Variants in CNTNAP4 observed in about 807,000 individuals in gnomAD.
The protein encoded by CNTNAP4 is contactin associated protein family member 4, also known as contactin-associated protein-like 4.
Under a neutral mutation model 148.4 loss-of-function variants are expected in CNTNAP4, and 98 were observed. That is an observed-to-expected ratio of 0.66 (90% CI 0.56 to 0.78). CNTNAP4 has a LOEUF of 0.78. Ranked by LOEUF, CNTNAP4 falls within the 30% of genes least tolerant of loss-of-function variation. CNTNAP4 has a pLI of 0.00. For missense variants in CNTNAP4, 1,935 were observed against 1,565.6 expected (o/e 1.24, Z -3.98); for synonymous variants, 730 against 565.1 (o/e 1.29, Z -4.14).
intron 2 of CNTNAP4, among the ~76,000 whole-genome samples, chr16:76,331,771 A>G (rs1003267591): frequency 3.9e-5 from 6 of 152,194 alleles, no homozygotes; most frequent in Non-Finnish European, 8.8e-5. Flanking sequence ...CAAACCTCCA[A>G]TAAAATAAAA....
At chr16:76,312,923 G>A (rs998145272) in intron 1 of CNTNAP4, among the ~76,000 whole-genome samples, 1 of 152,128 alleles carries the variant, frequency 6.6e-6, no homozygotes, top group Admixed American at 6.6e-5. Context: ...TATTAGTTCT[G>A]TAAGAATAAC....
intron 4 of CNTNAP4, among the ~76,000 whole-genome samples, chr16:76,432,969 A>G (rs1191925784): frequency 2.6e-5 from 4 of 152,034 alleles, no homozygotes; most frequent in Admixed American, 2.0e-4. Context: ...TCATTTCTCT[A>G]TTTGGATAAC....
At chr16:76,388,925 G>T (rs1396206186) in intron 3 of CNTNAP4, among the ~76,000 whole-genome samples, 1 of 152,072 alleles carries the variant, frequency 6.6e-6, no homozygotes, top group Non-Finnish European at 1.5e-5. Flanking sequence ...TTAACAAGGA[G>T]TTCTATGTCC....
At chr16:76,531,765 A>T (rs1358491229) in intron 17 of CNTNAP4, among the ~76,000 whole-genome samples, 1 of 152,146 alleles carries the variant, frequency 6.6e-6, no homozygotes, top group South Asian at 2.1e-4. Context: ...CTGACTTGAA[A>T]CCTAACAGTA....
chr16:76,500,520 A>G (rs2082591184), intron 15 of CNTNAP4, among the ~76,000 whole-genome samples: 1 of 151,996 alleles, frequency 6.6e-6, no homozygotes, highest in African/African-American at 2.4e-5. Flanking sequence ...TGAATTTCCT[A>G]CTGTTAGGCC....
chr16:76,449,025 C>G, intron 6 of CNTNAP4, 74 bp downstream of exon 6: 3 of 1,337,222 alleles, frequency 2.2e-6, no homozygotes, highest in South Asian at 1.3e-5. Context: ...GGAAAATACA[C>G]TATAAAGAGC....
At chr16:76,432,782 A>G (rs970848790) in intron 4 of CNTNAP4, among the ~76,000 whole-genome samples, 1 of 152,124 alleles carries the variant, frequency 6.6e-6, no homozygotes, top group Non-Finnish European at 1.5e-5. Flanking sequence ...TACTGTATAA[A>G]CATCCTCATT....
chr16:76,494,064 A>G (rs150893359), intron 13 of CNTNAP4, among the ~76,000 whole-genome samples: 162 of 140,580 alleles, frequency 1.2e-3, no homozygotes, highest in African/African-American at 4.0e-3. Flanking sequence ...TTCTCAGATG[A>G]CTACAATTTT....
intron 17 of CNTNAP4, among the ~76,000 whole-genome samples, chr16:76,533,917 A>G (rs1287048206): frequency 6.6e-6 from 1 of 152,212 alleles, no homozygotes; most frequent in Non-Finnish European, 1.5e-5. Flanking sequence ...AACATTTTGA[A>G]TAGACATTTA....
At chr16:76,417,276 A>T (rs4390622) in intron 3 of CNTNAP4, among the ~76,000 whole-genome samples, 57,590 of 150,822 alleles carry the variant, frequency 0.38, 11,185 homozygotes, top group Middle Eastern at 0.49. Context: ...GTTGTTTTTA[A>T]TTTTTTGCCC....
At chr16:76,337,151 T>C (rs2081136233) in intron 2 of CNTNAP4, among the ~76,000 whole-genome samples, 1 of 152,236 alleles carries the variant, frequency 6.6e-6, no homozygotes, top group African/African-American at 2.4e-5. Context: ...TTTTTATTTA[T>C]CTAAAGTTGG....
At chr16:76,340,437 C>G (rs1964372311) in intron 2 of CNTNAP4, among the ~76,000 whole-genome samples, 1 of 152,080 alleles carries the variant, frequency 6.6e-6, no homozygotes, top group African/African-American at 2.4e-5. Flanking sequence ...TCAAATTTCC[C>G]TTGTACTAAT....
chr16:76,279,504 G>A (rs1226733418), intron 1 of CNTNAP4, among the ~76,000 whole-genome samples: 1 of 152,190 alleles, frequency 6.6e-6, no homozygotes, highest in East Asian at 1.9e-4. Context: ...ATTTATGTCT[G>A]CTTGGCTCTG....
At chr16:76,384,521 C>A (rs921670885) in intron 3 of CNTNAP4, among the ~76,000 whole-genome samples, 1 of 152,142 alleles carries the variant, frequency 6.6e-6, no homozygotes, top group Non-Finnish European at 1.5e-5. Context: ...TGATAAAGTG[C>A]CATGTAGCTT....
chr16:76,397,665 C>A (rs1013840324), intron 3 of CNTNAP4, among the ~76,000 whole-genome samples: 6 of 151,602 alleles, frequency 4.0e-5, no homozygotes, highest in Non-Finnish European at 5.9e-5. Context: ...TAAAGAGAAC[C>A]TCTGTATGCT....
At position 76,454,735 on chromosome 16, in the gene CNTNAP4, A is replaced by G. The variant is rs75634827; in HGVS notation, c.1333+1966A>G. On this transcript the variant is annotated intron_variant, in intron 8 of 23. Coordinates refer to ENST00000611870, the MANE Select transcript of CNTNAP4 (RefSeq NM_033401.5). ...AAGACTTTCCATTTATGTTTTATGT[A>G]TGCGACACTTGATAATTAAACCAGT... Among the ~76,000 whole-genome samples the G allele has an allele frequency of 5.6e-4, 85 of 152,324 alleles. 2 individuals are homozygous for G. The East Asian group carries it at 0.016, about 29-fold the overall frequency.
At chr16:76,491,003 C>G (rs1264409372) in intron 13 of CNTNAP4, among the ~76,000 whole-genome samples, 1 of 151,928 alleles carries the variant, frequency 6.6e-6, no homozygotes, top group African/African-American at 2.4e-5. Context: ...TCATAAAGAT[C>G]ATGCAAAAAC....
intron 3 of CNTNAP4, among the ~76,000 whole-genome samples, chr16:76,411,329 G>A (rs2078783908): frequency 1.3e-5 from 2 of 151,402 alleles, no homozygotes; most frequent in African/African-American, 4.8e-5. Flanking sequence ...GAAGTAGACT[G>A]AAGGCTAATC....
At chr16:76,285,247 G>T (rs1958833896) in intron 1 of CNTNAP4, among the ~76,000 whole-genome samples, 1 of 151,944 alleles carries the variant, frequency 6.6e-6, no homozygotes, top group Non-Finnish European at 1.5e-5. Context: ...TAGCATAACA[G>T]CAGGTAAAAA....
Sources: gnomAD v4.1 joint callset for allele counts (sites outside exome capture counted in the v4.1 genomes callset) on GRCh38, gnomAD v4.1.1 for gene constraint, MANE v1.5 for transcripts, NCBI Gene and HGNC (gene_info 2026-07-23, HGNC 2026-07-21) for gene names.